TOGARAM1: variants seen among roughly 807,000 people sequenced by gnomAD.
TOGARAM1 encodes the protein TOG array regulator of axonemal microtubules 1, also known as TOG array regulator of axonemal microtubules protein 1.
Under a neutral mutation model 166.6 loss-of-function variants are expected in TOGARAM1, and 100 were observed. The observed-to-expected ratio is 0.60, with a 90% CI of 0.51 to 0.71. The LOEUF (loss-of-function observed/expected upper bound fraction) is 0.71. Ranked by LOEUF, TOGARAM1 falls within the 30% of genes least tolerant of loss-of-function variation. The pLI is 0.00. For synonymous variants in TOGARAM1, 758 were observed against 763.8 expected, an observed-to-expected ratio of 0.99 and a Z score of 0.13; for missense variants, 2,029 against 2,102.7, an observed-to-expected ratio of 0.96 and a Z score of 0.69.
intron 14 of TOGARAM1, 81 bp from the exon 15 acceptor site, chr14:45,052,355 A>G (rs910595843): frequency 5.8e-5 from 69 of 1,192,450 alleles, no homozygotes; most frequent in Non-Finnish European, 7.9e-5. Flanking sequence ...TTTTTTTTCT[A>G]TTGAAACAAT....
Position 45,073,503 on chromosome 14 carries a change from C to G in TOGARAM1, c.5264C>G (p.Pro1755Arg), listed in dbSNP as rs753766972. 1 of 1,613,830 alleles carries G rather than the reference C, an allele frequency of 6.2e-7. No homozygotes were observed. The highest frequency in any genetic ancestry group is 8.5e-7 in the Non-Finnish European group (1 of 1,179,958). The change falls in exon 20 of 20, where the codon CCA (proline) becomes CGA (arginine). Residue 1755 changes from proline (P) to arginine (R), a missense_variant. Pro to Arg is a moderately radical substitution (Grantham distance 103, BLOSUM62 -2). Transcript: ENST00000361462. Reference sequence around the variant, plus strand: ...TTAAATCAGGCTGCATCTCAACCACCACATATCAAAAAGAGTTTGGAGGAA... The same window carrying G: ...TTAAATCAGGCTGCATCTCAACCACGACATATCAAAAAGAGTTTGGAGGAA... ...NLLNQAASQP[P>R]HIKKSLEELL...
rs1304983495 is a variant in TOGARAM1 at position 45,027,369 on chromosome 14, G to T, written c.3399G>T (p.Gly1133=). The change falls in exon 9 of 20, where the codon GGG becomes GGT. Residue 1133 remains glycine (G), a synonymous_variant. Transcript: ENST00000361462. The part of the protein sequence containing the change: ...SQSVISSVEN[G]DTFSIKQSIE... ...CAGTGATATCTTCTGTGGAAAATGG[G>T]GATACATTTTCAATTAAACAAAGTA... 1 of 1,613,082 alleles carries T rather than the reference G, an allele frequency of 6.2e-7. No individual in the cohort carries two copies. Among genetic ancestry groups the T allele is most frequent in the East Asian group, 2.2e-5 (1 of 44,822 alleles).
chr14:44,977,975 G>T (rs935001343), intron 1 of TOGARAM1, among the ~76,000 whole-genome samples: 4 of 152,116 alleles, frequency 2.6e-5, no homozygotes, highest in Non-Finnish European at 4.4e-5. Context: ...AAAGAACTGG[G>T]CAGCACCACG....
intron 1 of TOGARAM1, among the ~76,000 whole-genome samples, chr14:44,974,672 T>C (rs1459164829): frequency 2.0e-5 from 3 of 152,154 alleles, no homozygotes; most frequent in Non-Finnish European, 4.4e-5. Flanking sequence ...GTGCTTTAAT[T>C]ACACTTTTGA....
At chr14:44,993,008 A>G (rs1010616850) in intron 1 of TOGARAM1, among the ~76,000 whole-genome samples, 95 of 151,834 alleles carry the variant, frequency 6.3e-4, no homozygotes, top group Non-Finnish European at 5.9e-5. Flanking sequence ...CACGCCTGTA[A>G]TCTCAGCACT....
chr14:45,047,631 C>A lies in TOGARAM1; in HGVS notation c.4313+928C>A, dbSNP rs544597398. The stretch of plus-strand genomic sequence containing the variant: ...GTAGTCAGATGCTTATGTTAAATTT[C>A]TAGTCCCCGTCATTGTTTGTCCTTA... On this transcript the variant is annotated intron_variant, in intron 14 of 19. Transcript: ENST00000361462. Among the ~76,000 whole-genome samples, 10 of 152,242 alleles carry A rather than the reference C, an allele frequency of 6.6e-5. No homozygotes were observed. The South Asian group carries it at 1.2e-3, about 19-fold the overall frequency.
At chr14:45,045,680 TAC>T (rs1177699314) in intron 13 of TOGARAM1, among the ~76,000 whole-genome samples, 8 of 97,612 alleles carry the variant, frequency 8.2e-5, no homozygotes, top group African/African-American at 5.4e-4. Flanking sequence ...TGTATATATA[TAC>T]ACATATATAC....
chr14:44,977,306 C>T (rs566666363), intron 1 of TOGARAM1, among the ~76,000 whole-genome samples: 20 of 147,036 alleles, frequency 1.4e-4, no homozygotes, highest in Non-Finnish European at 2.2e-4. Context: ...GTGATCTCAG[C>T]TCACTGCAAG....
At chr14:45,048,753 G>A (rs556615085) in intron 14 of TOGARAM1, among the ~76,000 whole-genome samples, 1 of 151,786 alleles carries the variant, frequency 6.6e-6, no homozygotes, top group Non-Finnish European at 1.5e-5. Flanking sequence ...GAGGCGGGTG[G>A]ATCACCTGAG....
intron 1 of TOGARAM1, among the ~76,000 whole-genome samples, chr14:44,965,076 G>A (rs577505490): frequency 1.3e-4 from 20 of 151,320 alleles, no homozygotes; most frequent in African/African-American, 4.9e-4. Flanking sequence ...AGAGTACAAT[G>A]AATACCCATA....
intron 1 of TOGARAM1, among the ~76,000 whole-genome samples, chr14:44,980,378 T>C (rs541309584): frequency 5.3e-5 from 8 of 152,162 alleles, no homozygotes; most frequent in African/African-American, 1.4e-4. Flanking sequence ...TTAAATGTAA[T>C]AGTGGCAGGC....
chr14:45,009,530 C>T (rs1879669245), intron 6 of TOGARAM1, among the ~76,000 whole-genome samples: 1 of 152,154 alleles, frequency 6.6e-6, no homozygotes, highest in Non-Finnish European at 1.5e-5. Flanking sequence ...GCACCAGTTT[C>T]CTCTAATTTA....
rs565336128 is a variant in TOGARAM1 at position 45,057,055 on chromosome 14, ACT to A, written c.4559+2508_4559+2509del. 2.3e-3 allele frequency among the ~76,000 whole-genome samples: 350 copies of A among 151,842 alleles called. 3 individuals are homozygous for A. Among genetic ancestry groups the A allele is most frequent in the Admixed American group, 5.3e-3 (80 of 15,236 alleles). On this transcript the variant is annotated intron_variant, in intron 16 of 19. Transcript: ENST00000361462. ...TTTTGCTTACTGATTCATTCTCACT[ACT>A]CACTGGTCTGTTCAGGATTTCTGTT...
chr14:44,998,837 A>C (rs1424362056), intron 2 of TOGARAM1, among the ~76,000 whole-genome samples: 1 of 152,146 alleles, frequency 6.6e-6, no homozygotes, highest in Non-Finnish European at 1.5e-5. Context: ...GAATAACCTT[A>C]ACCAGACACA....
chr14:45,000,395 C>T (rs996665256), intron 3 of TOGARAM1, among the ~76,000 whole-genome samples: 2 of 152,172 alleles, frequency 1.3e-5, no homozygotes, highest in African/African-American at 4.8e-5. Flanking sequence ...TGCTCTCTAC[C>T]TCCATGGAAT....
chr14:45,039,464 G>A (rs923397717), intron 11 of TOGARAM1, among the ~76,000 whole-genome samples: 18 of 152,114 alleles, frequency 1.2e-4, no homozygotes, highest in African/African-American at 3.9e-4. Flanking sequence ...TCAACCTGCT[G>A]TCCATAGTGC....
At chr14:44,984,898 G>C (rs1337875481) in intron 1 of TOGARAM1, among the ~76,000 whole-genome samples, 1 of 152,234 alleles carries the variant, frequency 6.6e-6, no homozygotes, top group Non-Finnish European at 1.5e-5. Flanking sequence ...CTATTTCCCT[G>C]TAACTTTTGT....
chr14:45,068,816 T>C (rs1883253083), intron 18 of TOGARAM1, among the ~76,000 whole-genome samples, 173 bp downstream of exon 18: 1 of 152,182 alleles, frequency 6.6e-6, no homozygotes, highest in Non-Finnish European at 1.5e-5. Flanking sequence ...AGTGATTAAA[T>C]TCTGTCCCAT....
In TOGARAM1 at chr14:45,015,933, A is replaced by G. The variant is rs534059134; in HGVS notation, c.3238+3858A>G. ...ATCAGAATCTTCCCTAAGCATACCA[A>G]TAAAGAAAAATTACTGAGTATTCTC... On this transcript the variant is annotated intron_variant, in intron 7 of 19. Transcript: ENST00000361462. Among the ~76,000 whole-genome samples the G allele has an allele frequency of 5.3e-5, 8 of 152,330 alleles. No individual in the cohort carries two copies. The South Asian group carries it at 1.7e-3, about 32-fold the overall frequency.
Sources: gnomAD v4.1 joint callset for allele counts (sites outside exome capture counted in the v4.1 genomes callset) on GRCh38, gnomAD v4.1.1 for gene constraint, MANE v1.5 for transcripts, NCBI Gene and HGNC (gene_info 2026-07-23, HGNC 2026-07-21) for gene names.